PLD1: variants seen among roughly 807,000 people sequenced by gnomAD.
The protein encoded by PLD1 is phospholipase D1.
A neutral mutation model predicts 137.1 loss-of-function variants in PLD1; 112 were observed. The ratio of observed to expected loss-of-function variants is 0.82; its 90% CI spans 0.70 to 0.96. The LOEUF (loss-of-function observed/expected upper bound fraction) is 0.96. PLD1 is among the 40% of genes least tolerant of loss of function. The probability of loss-of-function intolerance (pLI) is 0.00; values close to 1 mark genes in which losing one functional copy is unlikely to be tolerated. For synonymous variants in PLD1, 431 were observed against 454.7 expected (o/e 0.95, Z 0.66); for missense variants, 1,321 against 1,342.0 (o/e 0.98, Z 0.24).
chr3:171,645,697 A>G (rs951744074), intron 21 of PLD1, among the ~76,000 whole-genome samples: 2 of 151,994 alleles, frequency 1.3e-5, no homozygotes, highest in African/African-American at 4.8e-5. Context: ...ATCCTGGCTA[A>G]CACGGTGAAA....
At chr3:171,659,387 A>T in intron 20 of PLD1, 86 bp from the exon 21 acceptor site, 1 of 910,418 alleles carries the variant, frequency 1.1e-6, no homozygotes. Context: ...ATTTTTTAAA[A>T]TGTTTCACAC....
chr3:171,800,500 T>C (rs1723601453), intron 1 of PLD1, among the ~76,000 whole-genome samples: 1 of 152,220 alleles, frequency 6.6e-6, no homozygotes, highest in Non-Finnish European at 1.5e-5. Context: ...TGAACCACCG[T>C]GCCTGGCCCA....
chr3:171,686,813 A>G lies in PLD1; in HGVS notation c.1754-15T>C. 1 of 1,259,620 alleles carries G rather than the reference A, an allele frequency of 7.9e-7. No homozygotes were observed. Among genetic ancestry groups the G allele is most frequent in the Non-Finnish European group, 1.1e-6 (1 of 882,620 alleles). The allele number at this position is 1,259,620 out of a possible 1,614,324, so 78.0% of individuals were successfully genotyped here. A position where few individuals can be genotyped will look rare whatever the true frequency, so the allele number is the denominator to read the frequency against. On this transcript the variant is annotated splice_polypyrimidine_tract_variant and intron_variant, in intron 15 of 26. Transcript: ENST00000351298. Reference sequence around the variant, plus strand: ...ATTAAAATAACCTAGAGAAATTAAGAATTTTTTTACAAAAAAATACAAATA... The same window carrying G: ...ATTAAAATAACCTAGAGAAATTAAGGATTTTTTTACAAAAAAATACAAATA...
intron 17 of PLD1, 21 bp from the exon 18 acceptor site, chr3:171,676,854 AG>A (rs1320658511): frequency 1.3e-6 from 2 of 1,533,992 alleles, no homozygotes; most frequent in African/African-American, 2.7e-5. Flanking sequence ...GCACCAGGCA[AG>A]GATCAGTCAT....
chr3:171,624,554 A>AATAT (rs1240695923), intron 23 of PLD1, among the ~76,000 whole-genome samples: 1 of 151,766 alleles, frequency 6.6e-6, no homozygotes, highest in Non-Finnish European at 1.5e-5. Flanking sequence ...AACAAATAAG[A>AATAT]ATATATGTAT....
intron 25 of PLD1, among the ~76,000 whole-genome samples, chr3:171,606,022 G>A (rs577739171): frequency 1.1e-4 from 16 of 152,280 alleles, no homozygotes; most frequent in Admixed American, 7.8e-4. Context: ...CTGCTGTATT[G>A]AGAACACACT....
At position 171,678,040 on chromosome 3, in the gene PLD1, C is replaced by T. The variant is rs146764502; in HGVS notation, c.1868-346G>A. ...AACTCACAAGGTGGCACTATGAGAG[C>T]AGTAAAGCTGGTGGGGGGCTTTCAG... On this transcript the variant is annotated intron_variant, in intron 16 of 26. Coordinates refer to ENST00000351298, the MANE Select transcript of PLD1 (RefSeq NM_002662.5). Among the ~76,000 whole-genome samples the T allele has an allele frequency of 5.4e-4, 82 of 150,846 alleles. 1 individual carries two copies. The South Asian group carries it at 0.011, about 21-fold the overall frequency.
intron 6 of PLD1, 22 bp from the exon 7 acceptor site, chr3:171,726,098 A>G (rs1389460070): frequency 6.4e-7 from 1 of 1,555,368 alleles, no homozygotes; most frequent in South Asian, 1.1e-5. Flanking sequence ...CAAAAAATCC[A>G]TCTTTAGCAA....
intron 20 of PLD1, among the ~76,000 whole-genome samples, chr3:171,660,421 A>G (rs1357834037): frequency 1.3e-5 from 2 of 152,102 alleles, no homozygotes; most frequent in Admixed American, 1.3e-4. Flanking sequence ...GTAAACACAG[A>G]CTGGCTACAT....
chr3:171,682,771 G>A (rs982951557), intron 16 of PLD1, among the ~76,000 whole-genome samples: 3 of 152,094 alleles, frequency 2.0e-5, no homozygotes, highest in Admixed American at 6.5e-5. Context: ...GAGGGTCCTG[G>A]GGTTCACCTA....
At position 171,678,297 on chromosome 3, in the gene PLD1, G is replaced by A. The variant is rs142650492; in HGVS notation, c.1868-603C>T. 5.3e-5 allele frequency among the ~76,000 whole-genome samples: 8 copies of A among 152,272 alleles called. 1 individual carries two copies. The highest frequency in any genetic ancestry group is 2.0e-4 in the Admixed American group (3 of 15,306). ...TTTTTAGATCATAAATCCATTATGC[G>A]TAAAATGAAGAATTTGGCCTAGATA... On this transcript the variant is annotated intron_variant, in intron 16 of 26. Transcript: ENST00000351298.
chr3:171,620,764 ATATATTATATATATTTT>A (rs1560151054), intron 23 of PLD1, among the ~76,000 whole-genome samples: 1 of 125,976 alleles, frequency 7.9e-6, no homozygotes, highest in East Asian at 2.0e-4. Context: ...ATATATATAT[ATATATTATATATATTTT>A]TTTTTTAATT....
At chr3:171,781,588 A>G (rs1722797846) in intron 1 of PLD1, among the ~76,000 whole-genome samples, 1 of 152,234 alleles carries the variant, frequency 6.6e-6, no homozygotes, top group Non-Finnish European at 1.5e-5. Flanking sequence ...ATTTGACTGG[A>G]CATCCACAAA....
chr3:171,751,298 C>T (rs1720640199), intron 1 of PLD1, among the ~76,000 whole-genome samples: 1 of 152,072 alleles, frequency 6.6e-6, no homozygotes, highest in African/African-American at 2.4e-5. Context: ...ATAAAAAGCA[C>T]AAACCATAAA....
At chr3:171,763,617 T>C (rs1165752170) in intron 1 of PLD1, among the ~76,000 whole-genome samples, 1 of 151,914 alleles carries the variant, frequency 6.6e-6, no homozygotes, top group East Asian at 1.9e-4. Context: ...ACATGTTGGC[T>C]ATCATTACTA....
intron 23 of PLD1, among the ~76,000 whole-genome samples, chr3:171,638,167 A>AG (rs1386506344): frequency 6.7e-6 from 1 of 148,858 alleles, no homozygotes; most frequent in African/African-American, 2.5e-5. Flanking sequence ...CCTGGGCGAC[A>AG]GAGCGAGACT....
chr3:171,656,697 G>A (rs560795587), intron 21 of PLD1, among the ~76,000 whole-genome samples: 2 of 152,284 alleles, frequency 1.3e-5, no homozygotes, highest in Admixed American at 6.5e-5. Flanking sequence ...TCACAGGTGA[G>A]ATCCACTGTA....
At chr3:171,690,156 T>C (rs1454242774) in intron 13 of PLD1, among the ~76,000 whole-genome samples, 1 of 152,200 alleles carries the variant, frequency 6.6e-6, no homozygotes, top group Non-Finnish European at 1.5e-5. Flanking sequence ...GGTTATCGAA[T>C]TGCTTACAGT....
intron 1 of PLD1, among the ~76,000 whole-genome samples, chr3:171,778,804 T>G (rs905910296): frequency 6.6e-6 from 1 of 152,244 alleles, no homozygotes; most frequent in Non-Finnish European, 1.5e-5. Context: ...CATTTACGTT[T>G]TTCCTTAAAT....
Sources: gnomAD v4.1 joint callset for allele counts (sites outside exome capture counted in the v4.1 genomes callset) on GRCh38, gnomAD v4.1.1 for gene constraint, MANE v1.5 for transcripts, NCBI Gene and HGNC (gene_info 2026-07-23, HGNC 2026-07-21) for gene names.